Variants in ATP8A2 observed in about 807,000 individuals in gnomAD.
The protein encoded by ATP8A2 is phospholipid-transporting ATPase IB.
Under a neutral mutation model 165.6 loss-of-function variants are expected in ATP8A2, and 100 were observed. The observed-to-expected ratio is 0.60, with a 90% CI of 0.51 to 0.71. The LOEUF is 0.71. Ranked by LOEUF, ATP8A2 falls within the 30% of genes least tolerant of loss-of-function variation. The pLI is 0.00. For missense variants in ATP8A2, 1,227 were observed against 1,479.5 expected (o/e 0.83, Z 2.80); for synonymous variants, 543 against 548.8 (o/e 0.99, Z 0.15).
intron 2 of ATP8A2, among the ~76,000 whole-genome samples, chr13:25,469,488 C>T (rs115848029): frequency 4.1e-4 from 62 of 152,270 alleles, no homozygotes; most frequent in African/African-American, 1.4e-3. Flanking sequence ...CCTTCTTTAG[C>T]AATTTTTAGA....
intron 2 of ATP8A2, among the ~76,000 whole-genome samples, chr13:25,480,566 G>A (rs2036154198): frequency 1.3e-5 from 2 of 151,140 alleles, no homozygotes; most frequent in African/African-American, 4.9e-5. Context: ...TGGGCGGCCG[G>A]GCAGAGACGC....
intron 24 of ATP8A2, among the ~76,000 whole-genome samples, chr13:25,610,629 CT>C (rs966587155): frequency 2.0e-5 from 3 of 151,730 alleles, no homozygotes; most frequent in African/African-American, 4.8e-5. Flanking sequence ...AATTTTAGGA[CT>C]TTTTTTTCTA....
Position 25,819,826 on chromosome 13 carries a change from C to T in ATP8A2, c.2680-8292C>T, listed in dbSNP as rs1951125647. On this transcript the variant is annotated intron_variant, in intron 27 of 36. Coordinates refer to ENST00000381655, the MANE Select transcript of ATP8A2 (RefSeq NM_016529.6). ...TTTATCTTACTACATATGGCCAGAT[C>T]AAATTTCAAAAAAAACCTGAAGCAT... is the stretch of plus-strand genomic sequence containing the variant. Among the ~76,000 whole-genome samples, 3 of 152,004 alleles carry T rather than the reference C, an allele frequency of 2.0e-5. No homozygotes were observed. The South Asian group carries it at 6.2e-4, about 32-fold the overall frequency.
chr13:25,998,164 A>G (rs749353221), intron 35 of ATP8A2, among the ~76,000 whole-genome samples: 3 of 151,796 alleles, frequency 2.0e-5, no homozygotes, highest in Non-Finnish European at 4.4e-5. Context: ...TCTCCATAAG[A>G]CCTTTTCTGA....
At chr13:25,722,181 G>T (rs1158973222) in intron 25 of ATP8A2, among the ~76,000 whole-genome samples, 1 of 152,200 alleles carries the variant, frequency 6.6e-6, no homozygotes, top group Non-Finnish European at 1.5e-5. Context: ...GTATGCAGTG[G>T]TATCTCAGTG....
chr13:25,502,164 G>A (rs2036873895), intron 2 of ATP8A2, among the ~76,000 whole-genome samples: 1 of 152,198 alleles, frequency 6.6e-6, no homozygotes, highest in Non-Finnish European at 1.5e-5. Context: ...GGATCACGGG[G>A]TGTTTTTAAA....
chr13:25,903,373 C>T (rs989453552), intron 33 of ATP8A2, among the ~76,000 whole-genome samples: 2 of 152,008 alleles, frequency 1.3e-5, no homozygotes, highest in Non-Finnish European at 2.9e-5. Context: ...TCTTCTTTCC[C>T]TTCACCTCAA....
intron 24 of ATP8A2, among the ~76,000 whole-genome samples, chr13:25,676,677 A>AT (rs201478501): frequency 2.6e-5 from 4 of 151,660 alleles, no homozygotes; most frequent in Non-Finnish European, 4.4e-5. Context: ...ACATTAAGTG[A>AT]TTTTTTAAAA....
chr13:25,625,733 T>G (rs745789499), intron 24 of ATP8A2, among the ~76,000 whole-genome samples: 11 of 151,558 alleles, frequency 7.3e-5, no homozygotes, highest in Non-Finnish European at 1.2e-4. Flanking sequence ...AGTTTTGTGT[T>G]GATCTCTGAA....
intron 34 of ATP8A2, among the ~76,000 whole-genome samples, chr13:25,967,645 T>C (rs1955809742): frequency 6.6e-6 from 1 of 152,218 alleles, no homozygotes; most frequent in Non-Finnish European, 1.5e-5. Flanking sequence ...TCTGGTGTGT[T>C]ACTAATTTTT....
At chr13:25,416,889 A>T (rs2034147103) in intron 1 of ATP8A2, among the ~76,000 whole-genome samples, 1 of 152,200 alleles carries the variant, frequency 6.6e-6, no homozygotes, top group Non-Finnish European at 1.5e-5. Flanking sequence ...TGAGGCATAT[A>T]CAAAGTAAAG....
At chr13:25,399,065 A>G (rs1351210338) in intron 1 of ATP8A2, among the ~76,000 whole-genome samples, 1 of 152,178 alleles carries the variant, frequency 6.6e-6, no homozygotes, top group African/African-American at 2.4e-5. Context: ...GACTGGCAGA[A>G]GCACGATCCC....
intron 24 of ATP8A2, among the ~76,000 whole-genome samples, chr13:25,683,003 G>T (rs2042525796): frequency 6.6e-6 from 1 of 152,130 alleles, no homozygotes; most frequent in African/African-American, 2.4e-5. Context: ...AAGGTTGAAA[G>T]CTTTAATAAT....
chr13:25,420,564 T>G (rs2034270101), intron 1 of ATP8A2, among the ~76,000 whole-genome samples: 1 of 152,248 alleles, frequency 6.6e-6, no homozygotes, highest in Non-Finnish European at 1.5e-5. Flanking sequence ...CATATTTGAT[T>G]TGTAAAATTC....
chr13:25,465,684 TTTCTTTCTTTCTTTCTTTCTTTC>T (rs2035622363), intron 1 of ATP8A2, among the ~76,000 whole-genome samples: 9 of 13,154 alleles, frequency 6.8e-4, no homozygotes, highest in African/African-American at 1.5e-3. Flanking sequence ...TCTTTCTTTC[TTTCTTTCTTTCTTTCTTTCTTTC>T]TTTCTTTCTT....
At chr13:25,620,339 C>G (rs2040937097) in intron 24 of ATP8A2, among the ~76,000 whole-genome samples, 1 of 152,128 alleles carries the variant, frequency 6.6e-6, no homozygotes. Flanking sequence ...AAGAAAATAC[C>G]TGCCAACCCA....
intron 27 of ATP8A2, among the ~76,000 whole-genome samples, chr13:25,818,903 C>T (rs1446262004): frequency 6.6e-6 from 1 of 152,082 alleles, no homozygotes; most frequent in African/African-American, 2.4e-5. Flanking sequence ...ATGTGGCAAG[C>T]TCGAAGAGAA....
At chr13:25,656,501 C>T (rs1248504738) in intron 24 of ATP8A2, among the ~76,000 whole-genome samples, 2 of 152,070 alleles carry the variant, frequency 1.3e-5, no homozygotes, top group Middle Eastern at 3.4e-3. Flanking sequence ...GTCTTGAACT[C>T]CTGACCTCAG....
intron 30 of ATP8A2, among the ~76,000 whole-genome samples, chr13:25,847,239 CAT>C (rs1951888079): frequency 6.6e-6 from 1 of 152,158 alleles, no homozygotes; most frequent in South Asian, 2.1e-4. Context: ...AACTAAAACT[CAT>C]AAATCTGCAT....
Sources: gnomAD v4.1 joint callset for allele counts (sites outside exome capture counted in the v4.1 genomes callset) on GRCh38, gnomAD v4.1.1 for gene constraint, MANE v1.5 for transcripts, NCBI Gene and HGNC (gene_info 2026-07-23, HGNC 2026-07-21) for gene names.